Variants in ZNF804B observed in about 807,000 individuals in gnomAD.
ZNF804B encodes zinc finger protein 804B.
In ZNF804B, 80 loss-of-function variants were observed where a neutral mutation model predicts 101.4. The ratio of observed to expected loss-of-function variants is 0.79; its 90% confidence interval spans 0.66 to 0.95. The LOEUF is 0.95. Among genes scored for constraint, ZNF804B ranks in the 40% least tolerant of loss-of-function variants. The probability of loss-of-function intolerance (pLI) is 0.00; values close to 1 mark genes in which losing one functional copy is unlikely to be tolerated. For synonymous variants in ZNF804B, 622 were observed against 558.8 expected (o/e 1.11, Z -1.59); for missense variants, 1,673 against 1,561.9 (o/e 1.07, Z -1.20).
chr7:89,003,760 C>T (rs1788325215), intron 1 of ZNF804B, among the ~76,000 whole-genome samples: 1 of 151,860 alleles, frequency 6.6e-6, no homozygotes, highest in Admixed American at 6.6e-5. Flanking sequence ...ACTTCTGACC[C>T]ACAGATTACA....
chr7:89,103,752 A>G (rs981737460), intron 1 of ZNF804B, among the ~76,000 whole-genome samples: 1 of 151,952 alleles, frequency 6.6e-6, no homozygotes, highest in Non-Finnish European at 1.5e-5. Flanking sequence ...TCTGGCTAGG[A>G]CTTCCATTAT....
intron 1 of ZNF804B, among the ~76,000 whole-genome samples, chr7:89,149,861 A>G (rs941308816): frequency 2.0e-5 from 3 of 151,614 alleles, no homozygotes; most frequent in African/African-American, 7.3e-5. Flanking sequence ...TACTTATTTC[A>G]CATATTCACT....
intron 1 of ZNF804B, among the ~76,000 whole-genome samples, chr7:89,157,002 C>T (rs934649069): frequency 2.0e-5 from 3 of 152,164 alleles, no homozygotes; most frequent in African/African-American, 7.2e-5. Context: ...TCCAACACAC[C>T]TGCCACTTGA....
At chr7:89,195,020 C>A (rs1284214394) in intron 1 of ZNF804B, among the ~76,000 whole-genome samples, 1 of 151,734 alleles carries the variant, frequency 6.6e-6, no homozygotes, top group Non-Finnish European at 1.5e-5. Context: ...CCCTGGGATG[C>A]AAGGCTGGTT....
At chr7:89,297,153 A>G (rs1790396349) in intron 2 of ZNF804B, among the ~76,000 whole-genome samples, 1 of 152,058 alleles carries the variant, frequency 6.6e-6, no homozygotes, top group Non-Finnish European at 1.5e-5. Context: ...TTCAAGTAGC[A>G]TGTACTAAAA....
intron 2 of ZNF804B, among the ~76,000 whole-genome samples, chr7:89,257,195 G>A (rs1028570027): frequency 6.6e-6 from 1 of 152,076 alleles, no homozygotes; most frequent in African/African-American, 2.4e-5. Flanking sequence ...TCCTGTAGCT[G>A]GAGAAGTGTC....
At chr7:89,043,839 G>T (rs982523992) in intron 1 of ZNF804B, among the ~76,000 whole-genome samples, 1 of 152,122 alleles carries the variant, frequency 6.6e-6, no homozygotes, top group Non-Finnish European at 1.5e-5. Context: ...CTTCCAAACT[G>T]GGCCAGGGAC....
rs60707710 is a variant in ZNF804B at position 88,996,905 on chromosome 7, T to A, written c.109-221250T>A. ...GGACATTTAGGTTGGAAGATGTCCA[T>A]ATCTGGAGTTTCCTTCCATCAGACT... On this transcript the variant is annotated intron_variant, in intron 1 of 3. Transcript: ENST00000333190. 8.1e-3 allele frequency among the ~76,000 whole-genome samples: 1,226 copies of A among 152,142 alleles called. 12 individuals are homozygous for A. The highest frequency in any genetic ancestry group is 0.028 in the African/African-American group (1,172 of 41,538).
intron 1 of ZNF804B, among the ~76,000 whole-genome samples, chr7:88,866,653 C>T (rs531896539): frequency 5.2e-4 from 79 of 152,290 alleles, no homozygotes; most frequent in Non-Finnish European, 9.7e-4. Flanking sequence ...AAGTAAAATG[C>T]ACCCAAATGA....
intron 1 of ZNF804B, among the ~76,000 whole-genome samples, chr7:89,208,944 G>A (rs1056569331): frequency 1.9e-4 from 29 of 151,986 alleles, no homozygotes; most frequent in South Asian, 4.2e-4. Flanking sequence ...CCTGGGAGGC[G>A]GAGCTTGCAG....
intron 1 of ZNF804B, among the ~76,000 whole-genome samples, chr7:89,200,878 A>G (rs934747298): frequency 4.0e-5 from 6 of 151,708 alleles, no homozygotes; most frequent in African/African-American, 9.7e-5. Flanking sequence ...TTCTCTTTCT[A>G]TCTCCATGTT....
At chr7:88,795,339 T>A (rs191993136) in intron 1 of ZNF804B, among the ~76,000 whole-genome samples, 6 of 151,584 alleles carry the variant, frequency 4.0e-5, no homozygotes, top group Admixed American at 2.7e-4. Context: ...CAAATCTAAC[T>A]GATCTATAAC....
chr7:89,134,835 C>T (rs551685387), intron 1 of ZNF804B, among the ~76,000 whole-genome samples: 10 of 151,448 alleles, frequency 6.6e-5, no homozygotes, highest in Admixed American at 4.6e-4. Context: ...TTTTTTTAAC[C>T]GTCTTTCAAA....
chr7:89,296,962 T>G (rs1355527366), intron 2 of ZNF804B, among the ~76,000 whole-genome samples: 2 of 152,082 alleles, frequency 1.3e-5, no homozygotes, highest in Non-Finnish European at 2.9e-5. Flanking sequence ...CTGAGTCAAA[T>G]ATGACTACTT....
At chr7:88,951,862 T>G (rs1485435996) in intron 1 of ZNF804B, among the ~76,000 whole-genome samples, 1 of 151,820 alleles carries the variant, frequency 6.6e-6, no homozygotes, top group African/African-American at 2.4e-5. Context: ...CTTCAATAAA[T>G]GATGAAACTT....
chr7:88,878,024 A>T (rs541143961), intron 1 of ZNF804B, among the ~76,000 whole-genome samples: 1 of 152,326 alleles, frequency 6.6e-6, no homozygotes, highest in Non-Finnish European at 1.5e-5. Context: ...CGGTTAAATC[A>T]TCATTGGCCA....
intron 1 of ZNF804B, among the ~76,000 whole-genome samples, chr7:88,943,952 C>A (rs1295863457): frequency 6.6e-6 from 1 of 151,734 alleles, no homozygotes; most frequent in East Asian, 1.9e-4. Context: ...CTTTTTATAA[C>A]TGAATAGTAT....
chr7:89,018,860 A>G (rs1038112307), intron 1 of ZNF804B, among the ~76,000 whole-genome samples: 2 of 151,684 alleles, frequency 1.3e-5, no homozygotes, highest in African/African-American at 4.8e-5. Context: ...TTTATTCCTG[A>G]CCTTATTTAT....
intron 1 of ZNF804B, among the ~76,000 whole-genome samples, chr7:88,778,464 C>G (rs563374571): frequency 1.3e-5 from 2 of 152,282 alleles, no homozygotes; most frequent in South Asian, 4.1e-4. Flanking sequence ...ATTCTGCTTA[C>G]TATATCTCAG....
Sources: gnomAD v4.1 joint callset for allele counts (sites outside exome capture counted in the v4.1 genomes callset) on GRCh38, gnomAD v4.1.1 for gene constraint, MANE v1.5 for transcripts, NCBI Gene and HGNC (gene_info 2026-07-23, HGNC 2026-07-21) for gene names.